The following PRDM6 variants were observed in gnomAD, a reference collection of about 807,000 sequenced individuals.
PRDM6 encodes putative histone-lysine N-methyltransferase PRDM6.
In PRDM6, 25 loss-of-function variants were observed where a neutral mutation model predicts 60.8. The observed-to-expected ratio is 0.41, with a 90% CI of 0.30 to 0.57. The LOEUF (loss-of-function observed/expected upper bound fraction) is 0.57. Among genes scored for constraint, PRDM6 ranks in the 20% least tolerant of loss-of-function variants. The probability of loss-of-function intolerance (pLI) is 0.27; values close to 1 mark genes in which losing one functional copy is unlikely to be tolerated. For missense variants in PRDM6, 839 were observed against 821.3 expected (o/e 1.02, Z -0.26); for synonymous variants, 407 against 357.4 (o/e 1.14, Z -1.57).
chr5:123,101,518 G>A (rs1435977433), intron 3 of PRDM6, among the ~76,000 whole-genome samples: 1 of 152,196 alleles, frequency 6.6e-6, no homozygotes, highest in Admixed American at 6.5e-5. Context: ...TGTTCCAGTA[G>A]TGTTATTAGG....
At chr5:123,107,799 T>C (rs1188295801) in intron 3 of PRDM6, among the ~76,000 whole-genome samples, 1 of 152,244 alleles carries the variant, frequency 6.6e-6, no homozygotes, top group African/African-American at 2.4e-5. Flanking sequence ...GGAAATGTTG[T>C]ATTTCAGGAA....
Position 123,099,821 on chromosome 5 carries a change from A to G in PRDM6, c.760A>G (p.Thr254Ala). 2 of 1,550,378 alleles carry G rather than the reference A, an allele frequency of 1.3e-6. No individual in the cohort carries two copies. The highest frequency in any genetic ancestry group is 1.7e-6 in the Non-Finnish European group (2 of 1,146,812). ...TCGCGAGGTGTGCCTCTGCACCAGT[A>G]CTGTGCCCGGCCTGGCCTACGGCAT... The part of the protein sequence containing the change: ...LPREVCLCTS[T>A]VPGLAYGICA... Residue 254 changes from threonine (T) to alanine (A), a missense_variant, in exon 3 of 8, where the codon ACT (threonine) becomes GCT (alanine). Physicochemically the swap from Thr to Ala is moderately conservative, Grantham distance 58. Coordinates refer to ENST00000407847, the MANE Select transcript of PRDM6 (RefSeq NM_001136239.4). This position sits in a 1 kb window ranked among gnomAD's most constrained non-coding sequence, Gnocchi z 4.0.
chr5:123,172,185 G>C (rs778422170), intron 6 of PRDM6, among the ~76,000 whole-genome samples: 1 of 152,058 alleles, frequency 6.6e-6, no homozygotes, highest in Non-Finnish European at 1.5e-5. Context: ...AGTGTGCCTA[G>C]AAAACCCAAG....
chr5:123,143,795 A>C (rs1765176993), intron 3 of PRDM6, among the ~76,000 whole-genome samples: 1 of 152,202 alleles, frequency 6.6e-6, no homozygotes, highest in Admixed American at 6.5e-5. Context: ...GGTTACAAAA[A>C]CAGTGGTATA....
intron 2 of PRDM6, among the ~76,000 whole-genome samples, chr5:123,092,663 G>A (rs1763867547): frequency 6.6e-6 from 1 of 151,976 alleles, no homozygotes; most frequent in Non-Finnish European, 1.5e-5. Flanking sequence ...GATTGTTTCA[G>A]TGTTTGAAGT....
At chr5:123,152,803 C>T (rs953570108) in intron 3 of PRDM6, among the ~76,000 whole-genome samples, 3 of 152,144 alleles carry the variant, frequency 2.0e-5, no homozygotes, top group African/African-American at 7.2e-5. Flanking sequence ...AGTGGCACTT[C>T]CTAATATCCA....
Position 123,159,658 on chromosome 5 carries a change from CT to C in PRDM6, c.1153+21del, listed in dbSNP as rs1354570421. On this transcript the variant is annotated intron_variant, in intron 5 of 7. Transcript: ENST00000407847. ...AAAACTGTAAGAATTTATTTTAGCT[CT>C]GAATTCACATTTCAATATACCTATT... The C allele has an allele frequency of 1.3e-6, 2 of 1,549,322 alleles. No homozygotes were observed. The highest frequency in any genetic ancestry group is 3.9e-5 in the Admixed American group (2 of 50,714).
At chr5:123,165,938 T>C (rs1208188350) in intron 5 of PRDM6, among the ~76,000 whole-genome samples, 1 of 152,230 alleles carries the variant, frequency 6.6e-6, no homozygotes, top group African/African-American at 2.4e-5. Flanking sequence ...TGGTAGCCTA[T>C]GGGTCACATA....
Position 123,187,392 on chromosome 5 carries a change from A to G in PRDM6, c.*191A>G, listed in dbSNP as rs1228776262. On this transcript the variant is annotated 3_prime_UTR_variant, in exon 8 of 8. Transcript: ENST00000407847. ...AGTCAGACCAGGAAAGAGATTATTT[A>G]TTTATGACTTAGGGATGAGACTTAT... 3 of 455,626 alleles carry G rather than the reference A, an allele frequency of 6.6e-6. No homozygotes were observed. Among genetic ancestry groups the G allele is most frequent in the Non-Finnish European group, 1.2e-5 (3 of 247,032 alleles). The allele number at this position is 455,626 out of a possible 1,614,324, so 28.2% of individuals were successfully genotyped here.
intron 3 of PRDM6, among the ~76,000 whole-genome samples, chr5:123,137,710 G>A (rs1192257948): frequency 6.6e-6 from 1 of 152,102 alleles, no homozygotes. Context: ...GATGGGTGCA[G>A]CAAACCCGCA....
chr5:123,161,052 G>A (rs1385510410), intron 5 of PRDM6, among the ~76,000 whole-genome samples: 2 of 152,186 alleles, frequency 1.3e-5, no homozygotes, highest in Admixed American at 6.5e-5. Context: ...ACATGTACTT[G>A]TCTGTAGGTT....
intron 7 of PRDM6, among the ~76,000 whole-genome samples, chr5:123,181,134 C>T (rs916062778): frequency 1.1e-4 from 17 of 152,204 alleles, no homozygotes; most frequent in African/African-American, 3.9e-4. Flanking sequence ...TTCATTCATT[C>T]AGCTGGTATT....
rs1764058205 is a variant in PRDM6 at position 123,099,843 on chromosome 5, G to C, written c.782G>C (p.Gly261Ala). 2 of 1,550,554 alleles carry C rather than the reference G, an allele frequency of 1.3e-6. No homozygotes were observed. The highest frequency in any genetic ancestry group is 2.0e-5 in the Admixed American group (1 of 50,996). ...AGTACTGTGCCCGGCCTGGCCTACG[G>C]CATCTGCGCGGCGCAGAGGATCCAG... ...CTSTVPGLAY[G>A]ICAAQRIQQG... The change falls in exon 3 of 8, where the codon GGC becomes GCC. Residue 261 changes from glycine to alanine, a missense_variant. By Grantham distance (60) the Gly-to-Ala change is moderately conservative. Coordinates refer to ENST00000407847, the MANE Select transcript of PRDM6 (RefSeq NM_001136239.4). The surrounding 1 kb of genome is among the most constrained non-coding windows in gnomAD (Gnocchi z 4.0).
rs565337457 is a variant in PRDM6, at chr5:123,090,491, G to A, written c.477G>A (p.Glu159=). The A allele has an allele frequency of 2.0e-3, 2,995 of 1,488,588 alleles. 56 individuals are homozygous for A. In the African/African-American group the frequency reaches 0.039, roughly 20 times the overall value. The allele number at this position is 1,488,588 out of a possible 1,614,324, so 92.2% of individuals were successfully genotyped here. A position where few individuals can be genotyped will look rare whatever the true frequency, so the allele number is the denominator to read the frequency against. ...KCGGGGGGGG[E]GRGAPRFRCS... is the part of the protein sequence containing the mutation. ...GTGGTGGTGGCGGCGGCGGCGGGGA[G>A]GGTCGCGGCGCCCCGCGCTTCCGCT... Residue 159 remains glutamate (E), a synonymous_variant, in exon 2 of 8, where the codon GAG becomes GAA. Coordinates refer to ENST00000407847, the MANE Select transcript of PRDM6 (RefSeq NM_001136239.4).
chr5:123,089,970 C>A, intron 1 of PRDM6, 30 bp from the exon 2 acceptor site: 1 of 1,478,294 alleles, frequency 6.8e-7, no homozygotes, highest in Non-Finnish European at 9.2e-7. Context: ...CCAGCTCACG[C>A]GCCCCCTCTT....
chr5:123,177,893 A>G (rs1469644859), intron 6 of PRDM6, among the ~76,000 whole-genome samples: 2 of 152,248 alleles, frequency 1.3e-5, no homozygotes, highest in South Asian at 2.1e-4. Flanking sequence ...CAGGGGTCCT[A>G]TCTCTCCCGT....
intron 3 of PRDM6, among the ~76,000 whole-genome samples, chr5:123,114,018 A>C (rs1256035775): frequency 6.6e-6 from 1 of 152,220 alleles, no homozygotes; most frequent in African/African-American, 2.4e-5. Context: ...GTAGTAGAGG[A>C]TCATGAGTAA....
At chr5:123,150,038 C>T (rs1325099856) in intron 3 of PRDM6, among the ~76,000 whole-genome samples, 1 of 152,172 alleles carries the variant, frequency 6.6e-6, no homozygotes, top group Non-Finnish European at 1.5e-5. Context: ...TATGTCTAGA[C>T]TGACGTTTCT....
chr5:123,119,645 C>T (rs1764536807), intron 3 of PRDM6, among the ~76,000 whole-genome samples: 1 of 152,176 alleles, frequency 6.6e-6, no homozygotes, highest in Admixed American at 6.5e-5. Context: ...TTTTGGGTGG[C>T]CTCACAAGAC....
Sources: gnomAD v4.1 joint callset for allele counts (sites outside exome capture counted in the v4.1 genomes callset) on GRCh38, gnomAD v4.1.1 for gene constraint, Gnocchi (gnomAD v3.1) non-coding constraint, MANE v1.5 for transcripts, NCBI Gene and HGNC (gene_info 2026-07-23, HGNC 2026-07-21) for gene names.